EPHA5: variants seen among roughly 807,000 people sequenced by gnomAD.
EPHA5 encodes the protein ephrin type-A receptor 5.
EPHA5 carries 60 observed loss-of-function variants against 105.0 expected under a neutral mutation model. The ratio of observed to expected loss-of-function variants is 0.57; its 90% CI spans 0.46 to 0.71. EPHA5 has a LOEUF of 0.71. EPHA5 is among the 30% of genes least tolerant of loss of function. The pLI is 0.00. For synonymous variants in EPHA5, 513 were observed against 449.1 expected (o/e 1.14, Z -1.80); for missense variants, 1,218 against 1,274.7 (o/e 0.96, Z 0.68).
At chr4:65,661,649 C>G (rs1472929959) in intron 1 of EPHA5, among the ~76,000 whole-genome samples, 1 of 152,014 alleles carries the variant, frequency 6.6e-6, no homozygotes, top group Non-Finnish European at 1.5e-5. Flanking sequence ...ATGGTGAAAG[C>G]TTTGGGTGAA....
At chr4:65,512,351 G>A (rs1489919111) in intron 3 of EPHA5, among the ~76,000 whole-genome samples, 1 of 152,052 alleles carries the variant, frequency 6.6e-6, no homozygotes, top group Non-Finnish European at 1.5e-5. Flanking sequence ...AATTTTAATA[G>A]ACACATGATA....
At chr4:65,334,016 A>G (rs1720939799) in intron 15 of EPHA5, among the ~76,000 whole-genome samples, 1 of 151,848 alleles carries the variant, frequency 6.6e-6, no homozygotes, top group Non-Finnish European at 1.5e-5. Flanking sequence ...CCCATTCAAT[A>G]TTAATACCAC....
intron 3 of EPHA5, among the ~76,000 whole-genome samples, chr4:65,512,443 T>C (rs989196056): frequency 6.6e-6 from 1 of 152,092 alleles, no homozygotes. Flanking sequence ...TGGGAGGCGA[T>C]TGGATGATGG....
chr4:65,470,675 T>C (rs1729200528), intron 5 of EPHA5, among the ~76,000 whole-genome samples: 1 of 152,128 alleles, frequency 6.6e-6, no homozygotes, highest in African/African-American at 2.4e-5. Flanking sequence ...GATAAGATAA[T>C]GAAAAATTCT....
chr4:65,574,641 C>CATGT (rs752109599), intron 3 of EPHA5, among the ~76,000 whole-genome samples: 5 of 70,302 alleles, frequency 7.1e-5, no homozygotes, highest in Non-Finnish European at 1.6e-4. Context: ...TATATATATA[C>CATGT]ACATATATAT....
chr4:65,356,487 GA>G (rs1428646012), intron 11 of EPHA5, among the ~76,000 whole-genome samples: 2 of 151,444 alleles, frequency 1.3e-5, no homozygotes, highest in Admixed American at 6.6e-5. Context: ...TATATTTGGG[GA>G]AAAAAAGGGA....
intron 7 of EPHA5, among the ~76,000 whole-genome samples, chr4:65,405,146 G>T (rs988053309): frequency 2.0e-5 from 3 of 152,106 alleles, no homozygotes; most frequent in Non-Finnish European, 4.4e-5. Context: ...TATATACATA[G>T]ATTTAGATGA....
intron 2 of EPHA5, among the ~76,000 whole-genome samples, chr4:65,631,838 G>A (rs1315374706): frequency 6.6e-6 from 1 of 151,884 alleles, no homozygotes; most frequent in Non-Finnish European, 1.5e-5. Flanking sequence ...AGTGTTTTGA[G>A]AACTTCTAAA....
intron 8 of EPHA5, among the ~76,000 whole-genome samples, chr4:65,388,123 C>G (rs1224253940): frequency 2.0e-5 from 3 of 150,582 alleles, no homozygotes; most frequent in Admixed American, 1.3e-4. Context: ...CAATTTCATC[C>G]ATGTCCCTAC....
chr4:65,636,515 T>A (rs1747133622), intron 2 of EPHA5, among the ~76,000 whole-genome samples: 1 of 151,222 alleles, frequency 6.6e-6, no homozygotes, highest in African/African-American at 2.5e-5. Flanking sequence ...CCATACTGAA[T>A]CTCATTTTTT....
At chr4:65,410,652 GATATT>G (rs1396052158) in intron 7 of EPHA5, among the ~76,000 whole-genome samples, 2 of 152,176 alleles carry the variant, frequency 1.3e-5, no homozygotes, top group African/African-American at 4.8e-5. Context: ...TTCTGGTTGT[GATATT>G]ATACTATGGT....
chr4:65,592,198 G>A (rs542660358), intron 3 of EPHA5, among the ~76,000 whole-genome samples: 3 of 152,142 alleles, frequency 2.0e-5, no homozygotes, highest in East Asian at 1.9e-4. Context: ...ACAGCTTGAC[G>A]TTCCTGTTAT....
chr4:65,660,879 C>T (rs1244905432), intron 1 of EPHA5, among the ~76,000 whole-genome samples: 1 of 152,070 alleles, frequency 6.6e-6, no homozygotes, highest in Non-Finnish European at 1.5e-5. Flanking sequence ...TATTTTTCTA[C>T]TCCGTTTCTT....
intron 5 of EPHA5, among the ~76,000 whole-genome samples, chr4:65,443,410 T>C (rs1380710618): frequency 6.6e-6 from 1 of 151,760 alleles, no homozygotes; most frequent in Non-Finnish European, 1.5e-5. Flanking sequence ...GGGAGTTGTT[T>C]ATACTGTTAC....
chr4:65,614,650 C>A (rs1745066536), intron 2 of EPHA5, among the ~76,000 whole-genome samples: 1 of 151,786 alleles, frequency 6.6e-6, no homozygotes, highest in African/African-American at 2.4e-5. Context: ...GCTAATGCTT[C>A]ATACATTTAA....
At chr4:65,570,701 G>GA (rs774195906) in intron 3 of EPHA5, among the ~76,000 whole-genome samples, 21 of 151,316 alleles carry the variant, frequency 1.4e-4, no homozygotes, top group South Asian at 6.2e-4. Flanking sequence ...GTCCATCTCT[G>GA]AAAAAAAATC....
chr4:65,381,154 T>G (rs1719522445), intron 8 of EPHA5, among the ~76,000 whole-genome samples: 1 of 151,380 alleles, frequency 6.6e-6, no homozygotes, highest in South Asian at 2.1e-4. Context: ...TGAGCTATAT[T>G]ATTATAATGT....
At chr4:65,497,817 AATGT>A (rs1732091367) in intron 3 of EPHA5, among the ~76,000 whole-genome samples, 1 of 152,042 alleles carries the variant, frequency 6.6e-6, no homozygotes, top group Non-Finnish European at 1.5e-5. Flanking sequence ...AAAGTAGATA[AATGT>A]ATCTTTCTGT....
intron 3 of EPHA5, among the ~76,000 whole-genome samples, chr4:65,566,150 C>T (rs1578438853): frequency 6.6e-6 from 1 of 151,858 alleles, no homozygotes; most frequent in East Asian, 1.9e-4. Flanking sequence ...CCCATTTTCT[C>T]ATGACTGTGT....
Sources: gnomAD v4.1 joint callset for allele counts (sites outside exome capture counted in the v4.1 genomes callset) on GRCh38, gnomAD v4.1.1 for gene constraint, MANE v1.5 for transcripts, NCBI Gene and HGNC (gene_info 2026-07-23, HGNC 2026-07-21) for gene names.